CNTNAP2: variants seen among roughly 807,000 people sequenced by gnomAD.
The protein encoded by CNTNAP2 is contactin associated protein 2.
In CNTNAP2, 98 loss-of-function variants were observed where a neutral mutation model predicts 155.2. The observed-to-expected ratio is 0.63, with a 90% CI of 0.54 to 0.75. The LOEUF (loss-of-function observed/expected upper bound fraction) is 0.75. Among genes scored for constraint, CNTNAP2 ranks in the 30% least tolerant of loss-of-function variants. The probability of loss-of-function intolerance (pLI) is 0.00; values close to 1 mark genes in which losing one functional copy is unlikely to be tolerated. For synonymous variants in CNTNAP2, 651 were observed against 631.2 expected, an observed-to-expected ratio of 1.03 and a Z score of -0.47; for missense variants, 1,727 against 1,688.1, an observed-to-expected ratio of 1.02 and a Z score of -0.40.
intron 13 of CNTNAP2, among the ~76,000 whole-genome samples, chr7:147,786,583 C>T (rs988248494): frequency 2.0e-5 from 3 of 152,104 alleles, no homozygotes; most frequent in Non-Finnish European, 2.9e-5. Flanking sequence ...GAAGCAGCAG[C>T]GTGGGGAGTG....
chr7:147,692,309 T>C (rs112624549), intron 13 of CNTNAP2, among the ~76,000 whole-genome samples: 1,600 of 152,232 alleles, frequency 0.011, 21 homozygotes, highest in African/African-American at 0.036. Context: ...GAAGTTACTA[T>C]AAACATCCTT....
At chr7:147,009,229 T>C (rs1798579896) in intron 3 of CNTNAP2, among the ~76,000 whole-genome samples, 1 of 152,110 alleles carries the variant, frequency 6.6e-6, no homozygotes, top group African/African-American at 2.4e-5. Flanking sequence ...TCTTACTATT[T>C]AGTAGTGGGA....
intron 8 of CNTNAP2, among the ~76,000 whole-genome samples, chr7:147,139,118 G>T (rs1479608286): frequency 6.6e-6 from 1 of 151,946 alleles, no homozygotes; most frequent in Non-Finnish European, 1.5e-5. Context: ...GGAGGACATA[G>T]AAGCAAATTA....
At chr7:147,130,314 T>TA (rs1365362110) in intron 7 of CNTNAP2, among the ~76,000 whole-genome samples, 2 of 151,894 alleles carry the variant, frequency 1.3e-5, no homozygotes, top group Admixed American at 1.3e-4. Context: ...TAGCTGGGCA[T>TA]AATGGTGCAT....
Position 147,574,887 on chromosome 7 carries a change from C to T in CNTNAP2, c.1897+12630C>T, listed in dbSNP as rs565611426. ...CACAAGGCTTAGGAGACCTAGGGAT[C>T]TACTATCTGTCAAACAGCCTTAATG... On this transcript the variant is annotated intron_variant, in intron 12 of 23. Transcript: ENST00000361727. Among the ~76,000 whole-genome samples the T allele has an allele frequency of 6.6e-5, 10 of 152,220 alleles. No homozygotes were observed. The South Asian group carries it at 2.1e-3, about 32-fold the overall frequency.
intron 21 of CNTNAP2, among the ~76,000 whole-genome samples, chr7:148,282,107 G>GCCA (rs1796985065): frequency 6.6e-6 from 1 of 152,022 alleles, no homozygotes; most frequent in African/African-American, 2.4e-5. Context: ...ACAGTCATAA[G>GCCA]CCACCACACC....
intron 13 of CNTNAP2, among the ~76,000 whole-genome samples, chr7:147,878,682 A>G (rs1461193370): frequency 6.6e-6 from 1 of 152,154 alleles, no homozygotes; most frequent in Non-Finnish European, 1.5e-5. Flanking sequence ...GGATCCTTTT[A>G]GATTCTTTTT....
chr7:147,921,200 A>T (rs1423265997), intron 14 of CNTNAP2, among the ~76,000 whole-genome samples: 2 of 152,062 alleles, frequency 1.3e-5, no homozygotes, highest in Non-Finnish European at 2.9e-5. Context: ...ATTAAAGAGG[A>T]TCTTATGGAC....
chr7:148,193,993 C>G (rs1322061132), intron 18 of CNTNAP2, among the ~76,000 whole-genome samples: 1 of 149,444 alleles, frequency 6.7e-6, no homozygotes, highest in East Asian at 2.0e-4. Context: ...TTAACTGAAA[C>G]AGGGTCTTGC....
chr7:147,279,136 C>T (rs898410971), intron 8 of CNTNAP2, among the ~76,000 whole-genome samples: 2 of 151,568 alleles, frequency 1.3e-5, no homozygotes, highest in African/African-American at 4.8e-5. Context: ...TTATAATCTA[C>T]ATAAATTTAC....
chr7:147,784,494 A>AATATATATATATAT (rs10528525), intron 13 of CNTNAP2, among the ~76,000 whole-genome samples: 3 of 45,012 alleles, frequency 6.7e-5, no homozygotes, highest in African/African-American at 9.3e-5. Flanking sequence ...GCTCTGGACT[A>AATATATATATATAT]ATATATATAT....
At position 148,199,777 on chromosome 7, in the gene CNTNAP2, A is replaced by G. The variant is rs571110434; in HGVS notation, c.3011-17511A>G. On this transcript the variant is annotated intron_variant, in intron 18 of 23. Transcript: ENST00000361727. ...GAACCAGTAGGATAGAGAGAGATAC[A>G]TAAGAGGGGGTTTCTTAATGGAAAT... Among the ~76,000 whole-genome samples the G allele has an allele frequency of 1.2e-4, 18 of 152,354 alleles. No homozygotes were observed. The South Asian group carries it at 3.7e-3, about 32-fold the overall frequency.
chr7:147,147,692 A>T (rs1277332343), intron 8 of CNTNAP2, among the ~76,000 whole-genome samples: 1 of 152,118 alleles, frequency 6.6e-6, no homozygotes, highest in African/African-American at 2.4e-5. Context: ...ACCAGCTCCC[A>T]AGTGGGCCTC....
chr7:146,701,664 T>C (rs112851005), intron 1 of CNTNAP2, among the ~76,000 whole-genome samples: 71 of 151,156 alleles, frequency 4.7e-4, no homozygotes, highest in East Asian at 9.7e-4. Context: ...TTTTTGTATA[T>C]ACACACACAC....
At chr7:147,261,367 C>T (rs1329897400) in intron 8 of CNTNAP2, among the ~76,000 whole-genome samples, 1 of 152,084 alleles carries the variant, frequency 6.6e-6, no homozygotes, top group Non-Finnish European at 1.5e-5. Flanking sequence ...ACCAGTTCAC[C>T]TTCTGAAAAC....
chr7:148,014,725 T>C (rs4726904), intron 15 of CNTNAP2, among the ~76,000 whole-genome samples: 52,421 of 152,068 alleles, frequency 0.34, 9,825 homozygotes, highest in East Asian at 0.74. Flanking sequence ...ATCCACTCAG[T>C]ACAGCTTGGA....
chr7:147,396,111 T>C (rs1368960844), intron 10 of CNTNAP2, among the ~76,000 whole-genome samples: 1 of 147,946 alleles, frequency 6.8e-6, no homozygotes, highest in Non-Finnish European at 1.5e-5. Context: ...ATATATAGCA[T>C]ATATGAGATA....
intron 3 of CNTNAP2, among the ~76,000 whole-genome samples, chr7:146,909,138 A>G (rs370507322): frequency 6.6e-6 from 1 of 152,082 alleles, no homozygotes; most frequent in Non-Finnish European, 1.5e-5. Context: ...CAATAACAGG[A>G]GCTGAAATTG....
intron 11 of CNTNAP2, among the ~76,000 whole-genome samples, chr7:147,492,699 T>G (rs1798630017): frequency 6.6e-6 from 1 of 152,162 alleles, no homozygotes; most frequent in Non-Finnish European, 1.5e-5. Context: ...CTCCATACTT[T>G]ATAAATTCTC....
Sources: gnomAD v4.1 joint callset for allele counts (sites outside exome capture counted in the v4.1 genomes callset) on GRCh38, gnomAD v4.1.1 for gene constraint, MANE v1.5 for transcripts, NCBI Gene and HGNC (gene_info 2026-07-23, HGNC 2026-07-21) for gene names.